Variants in PTPRM observed in about 807,000 individuals in gnomAD.
PTPRM encodes the protein protein tyrosine phosphatase receptor type M, also known as receptor-type tyrosine-protein phosphatase mu.
A neutral mutation model predicts 186.7 loss-of-function variants in PTPRM; 47 were observed. The ratio of observed to expected loss-of-function variants is 0.25; its 90% CI spans 0.20 to 0.32. PTPRM has a LOEUF of 0.32. PTPRM is among the 10% of genes least tolerant of loss of function. The pLI, the probability that PTPRM is intolerant of heterozygous loss-of-function variation, is 1.00. For missense variants in PTPRM, 1,494 were observed against 1,865.0 expected, an observed-to-expected ratio of 0.80 and a Z score of 3.66; for synonymous variants, 668 against 674.9, an observed-to-expected ratio of 0.99 and a Z score of 0.16.
At chr18:8,282,272 G>A (rs564508323) in intron 19 of PTPRM, among the ~76,000 whole-genome samples, 5 of 152,288 alleles carry the variant, frequency 3.3e-5, no homozygotes, top group Admixed American at 6.5e-5. Context: ...AATACCAAAT[G>A]TTGGTGAGAA....
intron 1 of PTPRM, among the ~76,000 whole-genome samples, chr18:7,624,528 C>T (rs896334698): frequency 4.6e-5 from 7 of 151,892 alleles, no homozygotes; most frequent in African/African-American, 1.7e-4. Flanking sequence ...CTCTGTTGTC[C>T]AGGCTGGAGT....
At chr18:7,988,033 AAAT>A in intron 7 of PTPRM, among the ~76,000 whole-genome samples, 1 of 144,060 alleles carries the variant, frequency 6.9e-6, no homozygotes, top group African/African-American at 2.8e-5. Flanking sequence ...AAAAAAAAAA[AAAT>A]TAACCAGGCT....
intron 1 of PTPRM, among the ~76,000 whole-genome samples, chr18:7,704,715 C>T (rs573986322): frequency 1.5e-4 from 23 of 151,988 alleles, no homozygotes; most frequent in African/African-American, 3.9e-4. Context: ...AAAACATGAA[C>T]GGAAATATGG....
chr18:7,798,236 AATGGTTAAG>A (rs2043768304), intron 2 of PTPRM, among the ~76,000 whole-genome samples: 1 of 152,172 alleles, frequency 6.6e-6, no homozygotes, highest in Admixed American at 6.5e-5. Context: ...TACCCTTAAA[AATGGTTAAG>A]ATGGGCCGGG....
At chr18:7,977,032 A>G (rs935415222) in intron 7 of PTPRM, among the ~76,000 whole-genome samples, 9 of 152,046 alleles carry the variant, frequency 5.9e-5, no homozygotes, top group African/African-American at 1.7e-4. Flanking sequence ...CATATTTAGC[A>G]TGGATCTCAC....
At chr18:8,071,468 C>G (rs1182917731) in intron 8 of PTPRM, among the ~76,000 whole-genome samples, 12 of 152,206 alleles carry the variant, frequency 7.9e-5, no homozygotes, top group Admixed American at 7.9e-4. Context: ...TACTCACTCA[C>G]TCACTAATCT....
intron 7 of PTPRM, among the ~76,000 whole-genome samples, chr18:8,017,400 A>C (rs1346923564): frequency 6.6e-6 from 1 of 151,872 alleles, no homozygotes; most frequent in East Asian, 1.9e-4. Flanking sequence ...ACATGCAAAA[A>C]ATATACAAAA....
At chr18:8,395,532 G>C (rs1247593194) in intron 32 of PTPRM, among the ~76,000 whole-genome samples, 1 of 152,176 alleles carries the variant, frequency 6.6e-6, no homozygotes, top group Non-Finnish European at 1.5e-5. Flanking sequence ...TCCCAAACGT[G>C]TCCCACTCAT....
At chr18:7,710,390 G>A (rs1394347914) in intron 1 of PTPRM, among the ~76,000 whole-genome samples, 1 of 152,134 alleles carries the variant, frequency 6.6e-6, no homozygotes, top group Non-Finnish European at 1.5e-5. Flanking sequence ...TAGAAGGGAT[G>A]TAACTCAAAG....
chr18:8,343,428 A>C lies in PTPRM; in HGVS notation c.2962A>C (p.Met988Leu). Reference sequence around the variant, plus strand: ...TCTGTTGTGTTTTGCTGCAGGGCCAATGCAGGAAACCATCTATGACTTCTG... The same window carrying C: ...TCTGTTGTGTTTTGCTGCAGGGCCACTGCAGGAAACCATCTATGACTTCTG... ...PNHYIATQGP[M>L]QETIYDFWRM... The change falls in exon 23 of 33, where the codon ATG (methionine) becomes CTG (leucine). Residue 988 changes from methionine (M) to leucine (L), a missense_variant. This residue lies in a region of PTPRM where 1,107 missense variants were observed against 1,350.2 expected (regional missense o/e 0.82). Coordinates refer to ENST00000580170, the MANE Select transcript of PTPRM (RefSeq NM_001105244.2). 6.2e-7 allele frequency: 1 copy of C among 1,613,338 alleles called. No homozygotes were observed. The highest frequency in any genetic ancestry group is 8.5e-7 in the Non-Finnish European group (1 of 1,179,762).
At chr18:7,996,972 G>A (rs983277640) in intron 7 of PTPRM, among the ~76,000 whole-genome samples, 11 of 152,028 alleles carry the variant, frequency 7.2e-5, no homozygotes, top group Admixed American at 2.0e-4. Flanking sequence ...ATTACCTAAA[G>A]CAATCCATAG....
intron 13 of PTPRM, among the ~76,000 whole-genome samples, chr18:8,118,620 C>T (rs959305969): frequency 6.6e-6 from 1 of 151,798 alleles, no homozygotes; most frequent in Non-Finnish European, 1.5e-5. Context: ...GCCAACATGG[C>T]GAAACCCCGT....
intron 1 of PTPRM, among the ~76,000 whole-genome samples, chr18:7,682,158 G>A (rs1335343339): frequency 6.6e-6 from 1 of 152,170 alleles, no homozygotes; most frequent in Non-Finnish European, 1.5e-5. Context: ...CAGTTGGTCA[G>A]ATTCTTTAAC....
At chr18:7,828,939 T>C (rs929114525) in intron 2 of PTPRM, among the ~76,000 whole-genome samples, 3 of 152,226 alleles carry the variant, frequency 2.0e-5, no homozygotes, top group Non-Finnish European at 2.9e-5. Context: ...ACTCCTTTTC[T>C]TCTCTCTCTC....
intron 1 of PTPRM, among the ~76,000 whole-genome samples, chr18:7,632,425 T>C (rs1339878607): frequency 6.6e-6 from 1 of 152,242 alleles, no homozygotes; most frequent in Non-Finnish European, 1.5e-5. Flanking sequence ...TTCCACAGTC[T>C]GTGTTTCTAC....
chr18:8,181,133 G>A (rs1192942362), intron 14 of PTPRM, among the ~76,000 whole-genome samples: 1 of 152,200 alleles, frequency 6.6e-6, no homozygotes, highest in Non-Finnish European at 1.5e-5. Flanking sequence ...TCTAGACATT[G>A]CAGATATAGC....
intron 7 of PTPRM, among the ~76,000 whole-genome samples, chr18:8,040,311 G>A (rs891915123): frequency 2.0e-5 from 3 of 152,052 alleles, no homozygotes; most frequent in Non-Finnish European, 4.4e-5. Flanking sequence ...TTTTCTATTT[G>A]GGTGATTACC....
chr18:8,140,408 C>A (rs1276270566), intron 13 of PTPRM, among the ~76,000 whole-genome samples: 1 of 149,188 alleles, frequency 6.7e-6, no homozygotes, highest in South Asian at 2.2e-4. Flanking sequence ...CAGCTAAATA[C>A]TGCATTGGTT....
chr18:7,997,361 A>G (rs936106849), intron 7 of PTPRM, among the ~76,000 whole-genome samples: 10 of 152,172 alleles, frequency 6.6e-5, no homozygotes, highest in African/African-American at 9.6e-5. Context: ...CTAGACCCCC[A>G]TCACCAAATA....
Sources: allele counts gnomAD v4.1 joint callset (sites outside exome capture counted in the v4.1 genomes callset), GRCh38; gene constraint gnomAD v4.1.1; regional missense constraint gnomAD v4.1.1; transcripts MANE v1.5; gene names NCBI Gene and HGNC (gene_info 2026-07-23, HGNC 2026-07-21).